Variants in ARHGAP6 observed in about 807,000 individuals in gnomAD.
ARHGAP6 encodes the protein Rho GTPase activating protein 6, also known as rho GTPase-activating protein 6.
In ARHGAP6, 16 loss-of-function variants were observed where a neutral mutation model predicts 55.7. The observed-to-expected ratio is 0.29, with a 90% CI of 0.19 to 0.44. ARHGAP6 has a LOEUF of 0.44. Ranked by LOEUF, ARHGAP6 falls within the 20% of genes least tolerant of loss-of-function variation. ARHGAP6 has a pLI of 1.00. For synonymous variants in ARHGAP6, 382 were observed against 360.9 expected, an observed-to-expected ratio of 1.06 and a Z score of -0.66; for missense variants, 698 against 808.9, an observed-to-expected ratio of 0.86 and a Z score of 1.66.
intron 9 of ARHGAP6, among the ~76,000 whole-genome samples, chrX:11,167,573 T>C (rs948147497): frequency 8.9e-6 from 1 of 111,994 alleles, no homozygotes; most frequent in Non-Finnish European, 1.9e-5. Context: ...AGAAGAGGGA[T>C]GGCACAATTA....
intron 1 of ARHGAP6, among the ~76,000 whole-genome samples, chrX:11,276,265 T>C (rs2047764554): frequency 8.9e-6 from 1 of 111,827 alleles, no homozygotes; most frequent in African/African-American, 3.3e-5. Context: ...ATTTAAACAT[T>C]GGAAAGCTAT....
intron 1 of ARHGAP6, among the ~76,000 whole-genome samples, chrX:11,327,019 C>T (rs2048508133): frequency 8.9e-6 from 1 of 111,802 alleles, no homozygotes; most frequent in Admixed American, 9.5e-5. Context: ...ATACAAATGA[C>T]TTTATAATTT....
intron 1 of ARHGAP6, among the ~76,000 whole-genome samples, chrX:11,473,314 C>G (rs772844178): frequency 9.0e-6 from 1 of 111,661 alleles, no homozygotes; most frequent in Admixed American, 9.5e-5. Context: ...ATTGAAATCA[C>G]GGGTTGAATT....
At chrX:11,426,688 G>A (rs2049883041) in intron 1 of ARHGAP6, among the ~76,000 whole-genome samples, 1 of 110,688 alleles carries the variant, frequency 9.0e-6, no homozygotes, top group Admixed American at 9.6e-5. Context: ...ATCTTCAGAA[G>A]TAGTAGTCAT....
chrX:11,514,696 T>C (rs2060001812), intron 1 of ARHGAP6, among the ~76,000 whole-genome samples: 1 of 111,524 alleles, frequency 9.0e-6, no homozygotes, highest in Admixed American at 9.6e-5. Flanking sequence ...ATTTGAATAA[T>C]TGGAAACTTA....
intron 1 of ARHGAP6, chrX:11,298,814 C>G: frequency 1.7e-6 from 2 of 1,211,113 alleles, no homozygotes; most frequent in Non-Finnish European, 2.2e-6. Context: ...CACAGCCTCA[C>G]CAGCCCATGC....
At position 11,499,568 on chromosome X, in the gene ARHGAP6, GTCT is replaced by G. The variant is rs2050656204; in HGVS notation, c.588+164670_588+164672del. 2.7e-5 allele frequency among the ~76,000 whole-genome samples: 3 copies of G among 111,986 alleles called. No homozygotes were observed. In the Admixed American group the frequency reaches 2.8e-4, roughly 11 times the overall value. On this transcript the variant is annotated intron_variant, in intron 1 of 12. Coordinates refer to ENST00000337414, the MANE Select transcript of ARHGAP6 (RefSeq NM_013427.3). The stretch of plus-strand genomic sequence containing the variant: ...CCAGGACTTAAAGATCCTCTCAATA[GTCT>G]TCTTGCAGTAATTCCTCTCCAAAGA...
At chrX:11,226,394 G>C (rs1295082036) in intron 2 of ARHGAP6, among the ~76,000 whole-genome samples, 1 of 111,012 alleles carries the variant, frequency 9.0e-6, no homozygotes, top group Non-Finnish European at 1.9e-5. Context: ...TCTATCATTG[G>C]TGGACATTTG....
chrX:11,160,375 T>A (rs1290721491), intron 9 of ARHGAP6, among the ~76,000 whole-genome samples: 3 of 107,786 alleles, frequency 2.8e-5, no homozygotes, highest in Non-Finnish European at 5.7e-5. Flanking sequence ...AAGAATGGCG[T>A]GAATCCGGGA....
At chrX:11,317,360 G>A (rs763847705) in intron 1 of ARHGAP6, among the ~76,000 whole-genome samples, 2 of 111,843 alleles carry the variant, frequency 1.8e-5, no homozygotes, top group South Asian at 3.8e-4. Flanking sequence ...AATGTTTCCC[G>A]ACTTTGCCAG....
chrX:11,434,023 G>A (rs1238316093), intron 1 of ARHGAP6, among the ~76,000 whole-genome samples: 1 of 111,606 alleles, frequency 9.0e-6, no homozygotes, highest in Admixed American at 9.5e-5. Flanking sequence ...ATTCTCAACA[G>A]GGGAAATTTT....
chrX:11,253,303 A>G (rs1426326491), intron 2 of ARHGAP6, among the ~76,000 whole-genome samples: 3 of 111,186 alleles, frequency 2.7e-5, no homozygotes, highest in African/African-American at 9.8e-5. Context: ...GTATATGTGT[A>G]TACATATATA....
chrX:11,353,431 T>C (rs1024457284), intron 1 of ARHGAP6, among the ~76,000 whole-genome samples: 5 of 111,793 alleles, frequency 4.5e-5, no homozygotes, highest in Admixed American at 1.9e-4. Context: ...CTAAACTTCT[T>C]CCTTTCAGGA....
chrX:11,497,361 G>A (rs1367856340), intron 1 of ARHGAP6, among the ~76,000 whole-genome samples: 1 of 111,364 alleles, frequency 9.0e-6, no homozygotes, highest in African/African-American at 3.3e-5. Flanking sequence ...ATCTGTTATG[G>A]ACTGAATGTA....
intron 2 of ARHGAP6, among the ~76,000 whole-genome samples, chrX:11,244,565 G>T (rs1304986445): frequency 8.9e-6 from 1 of 112,147 alleles, no homozygotes; most frequent in Non-Finnish European, 1.9e-5. Flanking sequence ...AATACACTCA[G>T]CATTAAATTT....
chrX:11,215,665 G>A (rs1169244053), intron 2 of ARHGAP6, among the ~76,000 whole-genome samples: 1 of 112,990 alleles, frequency 8.9e-6, no homozygotes, highest in Non-Finnish European at 1.9e-5. Context: ...GAAGCTCATG[G>A]AGAAGCCTGC....
At chrX:11,307,498 G>A (rs1438011125) in intron 1 of ARHGAP6, among the ~76,000 whole-genome samples, 1 of 112,055 alleles carries the variant, frequency 8.9e-6, no homozygotes, top group African/African-American at 3.2e-5. Flanking sequence ...GGAAATGTTT[G>A]CAAATTTGCA....
chrX:11,227,085 G>A (rs1424435945), intron 2 of ARHGAP6, among the ~76,000 whole-genome samples: 1 of 111,920 alleles, frequency 8.9e-6, no homozygotes, highest in Non-Finnish European at 1.9e-5. Context: ...ATGCTCATAT[G>A]TCACTCCTCT....
At chrX:11,212,707 T>C (rs920516952) in intron 2 of ARHGAP6, among the ~76,000 whole-genome samples, 17 of 112,513 alleles carry the variant, frequency 1.5e-4, no homozygotes, top group African/African-American at 4.8e-4. Context: ...GTCATGCTAA[T>C]AAAGTGTCCC....
Sources: gnomAD v4.1 joint callset for allele counts (sites outside exome capture counted in the v4.1 genomes callset) on GRCh38, gnomAD v4.1.1 for gene constraint, MANE v1.5 for transcripts, NCBI Gene and HGNC (gene_info 2026-07-23, HGNC 2026-07-21) for gene names.